PRORP: variants seen among roughly 807,000 people sequenced by gnomAD.
PRORP encodes the protein protein only RNase P catalytic subunit.
Under a neutral mutation model 59.4 loss-of-function variants are expected in PRORP, and 51 were observed. The observed-to-expected ratio is 0.86, with a 90% CI of 0.69 to 1.08. The LOEUF (loss-of-function observed/expected upper bound fraction) is 1.08. Among genes scored for constraint, PRORP ranks in the 50% least tolerant of loss-of-function variants. The pLI is 0.00. For missense variants in PRORP, 646 were observed against 690.3 expected, an observed-to-expected ratio of 0.94 and a Z score of 0.72; for synonymous variants, 231 against 245.6, an observed-to-expected ratio of 0.94 and a Z score of 0.55.
intron 5 of PRORP, among the ~76,000 whole-genome samples, chr14:35,250,231 CA>C (rs796530537): frequency 1.1e-3 from 144 of 126,730 alleles, no homozygotes; most frequent in Non-Finnish European, 9.8e-4. Context: ...GACTCGGTCT[CA>C]AAAAAAAAAA....
upstream of PRORP, chr14:35,121,938 G>T: frequency 6.2e-7 from 1 of 1,614,130 alleles, no homozygotes. Flanking sequence ...AGGCGCCGAC[G>T]AAGAACTTCT....
intron 4 of PRORP, among the ~76,000 whole-genome samples, chr14:35,172,413 T>TTTCCTTCCTTCC (rs71121269): frequency 0.04 from 3,034 of 76,068 alleles, 236 homozygotes; most frequent in African/African-American, 0.06. Flanking sequence ...GGTTTCTTTC[T>TTTCCTTCCTTCC]TTCCTTCCTT....
chr14:35,214,629 G>A (rs959688570), intron 5 of PRORP, among the ~76,000 whole-genome samples: 4 of 152,160 alleles, frequency 2.6e-5, no homozygotes, highest in African/African-American at 4.8e-5. Flanking sequence ...AGCTGGGGCC[G>A]GGTGTGGTGG....
intron 5 of PRORP, among the ~76,000 whole-genome samples, chr14:35,197,312 A>G (rs912280995): frequency 1.3e-5 from 2 of 152,192 alleles, no homozygotes; most frequent in East Asian, 1.9e-4. Flanking sequence ...ACTTATGAAA[A>G]TATAATATCC....
chr14:35,153,980 A>G (rs1245144057), intron 4 of PRORP, among the ~76,000 whole-genome samples: 1 of 152,350 alleles, frequency 6.6e-6, no homozygotes, highest in African/African-American at 2.4e-5. Flanking sequence ...CTAACTTAAC[A>G]TATATCTTTA....
At chr14:35,126,397 C>A (rs1595154428) in intron 2 of PRORP, among the ~76,000 whole-genome samples, 1 of 152,116 alleles carries the variant, frequency 6.6e-6, no homozygotes, top group East Asian at 1.9e-4. Context: ...AGGTAAATTA[C>A]TCTCGGCAGG....
chr14:35,191,064 T>C lies in PRORP; in HGVS notation c.1275+10287T>C, dbSNP rs575346816. ...AAATACTTCTGAACAAAGCCAGGCATGGTAGCATGCACCTGTTATATGATT... is the reference window on the plus strand; with the variant it reads ...AAATACTTCTGAACAAAGCCAGGCACGGTAGCATGCACCTGTTATATGATT... On this transcript the variant is annotated intron_variant, in intron 5 of 7. Transcript: ENST00000534898. Among the ~76,000 whole-genome samples the C allele has an allele frequency of 1.5e-4, 23 of 152,346 alleles. No homozygotes were observed. In the South Asian group the frequency reaches 2.9e-3, roughly 19 times the overall value.
chr14:35,169,537 A>G (rs2048264458), intron 4 of PRORP, among the ~76,000 whole-genome samples: 1 of 152,190 alleles, frequency 6.6e-6, no homozygotes, highest in South Asian at 2.1e-4. Flanking sequence ...GGAAGCAGGC[A>G]TGTCTTACAC....
chr14:35,221,423 G>T (rs2049779715), intron 5 of PRORP, among the ~76,000 whole-genome samples: 1 of 151,950 alleles, frequency 6.6e-6, no homozygotes, highest in Admixed American at 6.6e-5. Flanking sequence ...TGTTGATTCT[G>T]TCTTTCTTTA....
At chr14:35,210,008 T>A (rs2049397877) in intron 5 of PRORP, among the ~76,000 whole-genome samples, 2 of 152,222 alleles carry the variant, frequency 1.3e-5, no homozygotes, top group Admixed American at 1.3e-4. Flanking sequence ...TAAGTTTCTC[T>A]TATCAAAATA....
chr14:35,134,022 C>T (rs1351692176), intron 4 of PRORP, among the ~76,000 whole-genome samples: 3 of 152,192 alleles, frequency 2.0e-5, no homozygotes, highest in Non-Finnish European at 4.4e-5. Context: ...GCACTACAAT[C>T]AGCAGTTGGT....
intron 4 of PRORP, among the ~76,000 whole-genome samples, chr14:35,153,440 A>G (rs923006966): frequency 6.6e-6 from 1 of 152,100 alleles, no homozygotes; most frequent in Non-Finnish European, 1.5e-5. Context: ...TGACAATCCT[A>G]CAAGGAAGGC....
At chr14:35,218,718 G>T (rs2049688151) in intron 5 of PRORP, among the ~76,000 whole-genome samples, 1 of 151,612 alleles carries the variant, frequency 6.6e-6, no homozygotes, top group Admixed American at 6.6e-5. Context: ...TAGAGACGGG[G>T]TTTCACCATG....
chr14:35,159,587 T>G (rs2138941773), intron 4 of PRORP, among the ~76,000 whole-genome samples: 1 of 152,324 alleles, frequency 6.6e-6, no homozygotes. Context: ...AGGACACCCT[T>G]TTTCCTATTT....
intron 6 of PRORP, among the ~76,000 whole-genome samples, chr14:35,267,931 C>A (rs1345261917): frequency 6.6e-6 from 1 of 152,102 alleles, no homozygotes; most frequent in Non-Finnish European, 1.5e-5. Context: ...ATGCAGAGGA[C>A]CTTGCAGATC....
At chr14:35,189,886 G>A (rs969654740) in intron 5 of PRORP, among the ~76,000 whole-genome samples, 2 of 151,988 alleles carry the variant, frequency 1.3e-5, no homozygotes, top group African/African-American at 4.8e-5. Flanking sequence ...TGTGGCGGGT[G>A]GATCAAGAGG....
At position 35,274,425 on chromosome 14, in the gene PRORP, A is replaced by G. The variant is rs1028903696; in HGVS notation, c.*859A>G. The stretch of plus-strand genomic sequence containing the variant: ...CAATTTGGGAGATTGAAGCGAGAGA[A>G]TCACTTGAGTCTAGGAGTTCAAGAC... On this transcript the variant is annotated 3_prime_UTR_variant, in exon 8 of 8. Transcript: ENST00000534898. 2.6e-5 allele frequency: 4 copies of G among 152,062 alleles called. No homozygotes were observed. Among genetic ancestry groups the G allele is most frequent in the Non-Finnish European group, 4.4e-5 (3 of 68,030 alleles). 9.4% of individuals were successfully genotyped at this position (152,062 alleles called of 1,614,324 possible).
chr14:35,198,471 T>C (rs945613473), intron 5 of PRORP, among the ~76,000 whole-genome samples: 1 of 152,178 alleles, frequency 6.6e-6, no homozygotes, highest in African/African-American at 2.4e-5. Context: ...TGCTAGGAAG[T>C]TGGTGAGAAG....
rs74642595 is a variant in PRORP, at chr14:35,167,720, T to A, written c.1168-12950T>A. Among the ~76,000 whole-genome samples, 1,025 of 152,330 alleles carry A rather than the reference T, an allele frequency of 6.7e-3. 4 individuals are homozygous for A. Among genetic ancestry groups the A allele is most frequent in the Non-Finnish European group, 0.012 (803 of 68,024 alleles). On this transcript the variant is annotated intron_variant, in intron 4 of 7. Coordinates refer to ENST00000534898, the MANE Select transcript of PRORP (RefSeq NM_014672.4). ...TTGTTCGCATGTTAAGAGCACTGCT[T>A]CCAACCAAAAGAGCTGGTATTCCCC...
Sources: allele counts gnomAD v4.1 joint callset (sites outside exome capture counted in the v4.1 genomes callset), GRCh38; gene constraint gnomAD v4.1.1; transcripts MANE v1.5; gene names NCBI Gene and HGNC (gene_info 2026-07-23, HGNC 2026-07-21).